The following LHPP variants were observed in gnomAD, a reference collection of about 807,000 sequenced individuals.
The protein encoded by LHPP is phospholysine phosphohistidine inorganic pyrophosphate phosphatase, also known as hLHPP.
LHPP carries 24 observed loss-of-function variants against 30.3 expected under a neutral mutation model. The ratio of observed to expected loss-of-function variants is 0.79; its 90% CI spans 0.57 to 1.11. The LOEUF (loss-of-function observed/expected upper bound fraction) is 1.11, where lower values mean the gene tolerates loss of function less well. Among genes scored for constraint, LHPP ranks in the 50% most tolerant of loss-of-function variants. The pLI, the probability that LHPP is intolerant of heterozygous loss-of-function variation, is 0.00. For synonymous variants in LHPP, 150 were observed against 157.1 expected, an observed-to-expected ratio of 0.95 and a Z score of 0.34; for missense variants, 356 against 367.2, an observed-to-expected ratio of 0.97 and a Z score of 0.25.
chr10:124,610,073 C>T (rs368983519), intron 6 of LHPP, among the ~76,000 whole-genome samples: 5 of 152,300 alleles, frequency 3.3e-5, no homozygotes, highest in South Asian at 4.1e-4. Context: ...CAATGTGGCC[C>T]GTACCATAGA....
chr10:124,595,633 T>C (rs1464873391), intron 6 of LHPP, among the ~76,000 whole-genome samples: 1 of 152,144 alleles, frequency 6.6e-6, no homozygotes, highest in Non-Finnish European at 1.5e-5. Flanking sequence ...CTGGTGTAGA[T>C]ATCTCCTTTC....
At chr10:124,556,418 T>C (rs58986599) in intron 6 of LHPP, among the ~76,000 whole-genome samples, 1,579 of 152,336 alleles carry the variant, frequency 0.01, 20 homozygotes, top group African/African-American at 0.037. Context: ...AACAGTCCCT[T>C]AGTATTATGG....
chr10:124,583,268 A>G (rs754457186), intron 6 of LHPP, among the ~76,000 whole-genome samples: 34 of 152,374 alleles, frequency 2.2e-4, no homozygotes, highest in Middle Eastern at 3.4e-3. Context: ...TAAGAATTAT[A>G]TATTCTTAGC....
At chr10:124,610,366 TGCTGGTGGAGCGGGTGA>T in intron 6 of LHPP, among the ~76,000 whole-genome samples, 1 of 148,296 alleles carries the variant, frequency 6.7e-6, no homozygotes, top group African/African-American at 2.6e-5. Flanking sequence ...CGGGTGAGGG[TGCTGGTGGAGCGGGTGA>T]GGGTGCGGGT....
At chr10:124,562,070 GC>G (rs1948404712) in intron 6 of LHPP, among the ~76,000 whole-genome samples, 1 of 152,222 alleles carries the variant, frequency 6.6e-6, no homozygotes, top group Admixed American at 6.5e-5. Context: ...ACTTTGGGAG[GC>G]TGAGGTCGGT....
intron 6 of LHPP, among the ~76,000 whole-genome samples, chr10:124,604,998 C>T (rs951415649): frequency 6.6e-6 from 1 of 152,232 alleles, no homozygotes; most frequent in Non-Finnish European, 1.5e-5. Flanking sequence ...ACCCGTCTCC[C>T]TTGGTCAGTG....
rs1488350469 is a variant in LHPP, at chr10:124,541,206, G to C, written c.716+23935G>C. On this transcript the variant is annotated intron_variant, in intron 6 of 6. Transcript: ENST00000368842. The surrounding 1 kb of genome is among the most constrained non-coding windows in gnomAD (Gnocchi z 4.2). ...GTGAGTCACCAAGAGGCAGCTTGGAGGTGGGCCGCTGCCCCTGCACACTGT... is the reference window on the plus strand; with the variant it reads ...GTGAGTCACCAAGAGGCAGCTTGGACGTGGGCCGCTGCCCCTGCACACTGT... Among the ~76,000 whole-genome samples the C allele has an allele frequency of 2.0e-5, 3 of 152,204 alleles. No individual in the cohort carries two copies. Among genetic ancestry groups the C allele is most frequent in the Non-Finnish European group, 4.4e-5 (3 of 68,040 alleles).
intron 5 of LHPP, among the ~76,000 whole-genome samples, chr10:124,512,777 G>A (rs1954337981): frequency 6.6e-6 from 1 of 152,194 alleles, no homozygotes; most frequent in Non-Finnish European, 1.5e-5. Context: ...GCAAACAGGA[G>A]AGCTGGGATC....
chr10:124,484,958 A>G (rs1953275448), intron 2 of LHPP, among the ~76,000 whole-genome samples: 1 of 152,190 alleles, frequency 6.6e-6, no homozygotes, highest in Admixed American at 6.6e-5. Flanking sequence ...ATATTTAAAA[A>G]GAAGAGACAT....
intron 5 of LHPP, among the ~76,000 whole-genome samples, chr10:124,505,935 C>G (rs1954049491): frequency 6.6e-6 from 1 of 152,120 alleles, no homozygotes. Context: ...CTTTGCATTC[C>G]CACCATGAGG....
chr10:124,600,381 G>A (rs544472190), intron 6 of LHPP, among the ~76,000 whole-genome samples: 3 of 152,260 alleles, frequency 2.0e-5, no homozygotes, highest in Non-Finnish European at 4.4e-5. Context: ...GGGCAGGGTG[G>A]GGGGCTCGCC....
At chr10:124,554,154 T>A in intron 6 of LHPP, 1 of 612,816 alleles carries the variant, frequency 1.6e-6, no homozygotes, top group Non-Finnish European at 2.0e-6. Context: ...TTTTTCAACC[T>A]AAGACTCAGT....
chr10:124,519,685 C>T (rs1954557548), intron 6 of LHPP, among the ~76,000 whole-genome samples: 1 of 152,172 alleles, frequency 6.6e-6, no homozygotes, highest in Non-Finnish European at 1.5e-5. Context: ...TGAGAACATA[C>T]AGTGTTTGGT....
At chr10:124,577,481 C>T (rs549227560) in intron 6 of LHPP, among the ~76,000 whole-genome samples, 38 of 152,346 alleles carry the variant, frequency 2.5e-4, no homozygotes, top group South Asian at 1.2e-3. Flanking sequence ...GACACACCTC[C>T]GGCTTTCAGG....
chr10:124,567,735 A>AT (rs2133977141), intron 6 of LHPP, among the ~76,000 whole-genome samples: 1 of 151,568 alleles, frequency 6.6e-6, no homozygotes, highest in East Asian at 1.9e-4. Flanking sequence ...ATGCACACAC[A>AT]TGCACACTCA....
Position 124,592,674 on chromosome 10 carries a change from A to G in LHPP, c.717-20590A>G, listed in dbSNP as rs561706960. Among the ~76,000 whole-genome samples, 676 of 152,270 alleles carry G rather than the reference A, an allele frequency of 4.4e-3. 6 individuals are homozygous for G. Among genetic ancestry groups the G allele is most frequent in the African/African-American group, 0.016 (652 of 41,568 alleles). On this transcript the variant is annotated intron_variant, in intron 6 of 6. Transcript: ENST00000368842. The surrounding 1 kb of genome is among the most constrained non-coding windows in gnomAD (Gnocchi z 6.2). ...GCCTCCAGGCCTTCCCGGAGGCCCC[A>G]TGGCTGTCTTACTTGGTTTGTGGCT...
intron 3 of LHPP, among the ~76,000 whole-genome samples, chr10:124,494,656 G>A (rs546115003): frequency 6.6e-6 from 1 of 152,222 alleles, no homozygotes; most frequent in African/African-American, 2.4e-5. Flanking sequence ...TGGATTCCAA[G>A]GTGCTCCCTG....
chr10:124,601,481 T>G (rs897293), intron 6 of LHPP, among the ~76,000 whole-genome samples: 90,856 of 152,064 alleles, frequency 0.6, 27,334 homozygotes, highest in East Asian at 0.68. Flanking sequence ...GGGTTCAAGG[T>G]ACCGCATTTG....
chr10:124,607,912 G>A (rs532366918), intron 6 of LHPP, among the ~76,000 whole-genome samples: 6 of 152,334 alleles, frequency 3.9e-5, no homozygotes, highest in African/African-American at 1.4e-4. Flanking sequence ...GCTGCGAGCA[G>A]TGCTTTGGAG....
Sources: gnomAD v4.1 joint callset for allele counts (sites outside exome capture counted in the v4.1 genomes callset) on GRCh38, gnomAD v4.1.1 for gene constraint, Gnocchi (gnomAD v3.1) non-coding constraint, MANE v1.5 for transcripts, NCBI Gene and HGNC (gene_info 2026-07-23, HGNC 2026-07-21) for gene names.